AGAP1: variants seen among roughly 807,000 people sequenced by gnomAD.
AGAP1 encodes arf-GAP with GTPase, ANK repeat and PH domain-containing protein 1.
AGAP1 carries 29 observed loss-of-function variants against 105.3 expected under a neutral mutation model. That is an observed-to-expected ratio of 0.28 (90% CI 0.21 to 0.38). The LOEUF is 0.38. Among genes scored for constraint, AGAP1 ranks in the 10% least tolerant of loss-of-function variants. The probability of loss-of-function intolerance (pLI) is 1.00; values close to 1 mark genes in which losing one functional copy is unlikely to be tolerated. For synonymous variants in AGAP1, 509 were observed against 485.9 expected (o/e 1.05, Z -0.63); for missense variants, 998 against 1,165.1 (o/e 0.86, Z 2.09).
intron 16 of AGAP1, among the ~76,000 whole-genome samples, chr2:236,102,676 G>A (rs1377202715): frequency 2.0e-5 from 3 of 151,948 alleles, no homozygotes; most frequent in African/African-American, 4.8e-5. Context: ...GGTAAAACAC[G>A]TCTGCAAGTG....
In AGAP1 at chr2:235,753,883, C is replaced by T. The variant is rs558635561; in HGVS notation, c.673+3395C>T. ...ATCATAGTTATATGGTATATGGTTTCTTATTTGTATATGTATTTTCATGTA... is the reference window on the plus strand; with the variant it reads ...ATCATAGTTATATGGTATATGGTTTTTTATTTGTATATGTATTTTCATGTA... On this transcript the variant is annotated intron_variant, in intron 6 of 17. Transcript: ENST00000304032. The surrounding 1 kb of genome is among the most constrained non-coding windows in gnomAD (Gnocchi z 4.5). Among the ~76,000 whole-genome samples, 12 of 151,034 alleles carry T rather than the reference C, an allele frequency of 7.9e-5. No homozygotes were observed. The highest frequency in any genetic ancestry group is 1.9e-4 in the East Asian group (1 of 5,182).
At chr2:235,952,913 G>A (rs1257321958) in intron 12 of AGAP1, among the ~76,000 whole-genome samples, 9 of 152,120 alleles carry the variant, frequency 5.9e-5, no homozygotes, top group Non-Finnish European at 1.2e-4. Context: ...TGGGCTGGGC[G>A]GCTCCAAGAG....
At chr2:235,818,212 G>T (rs1267272738) in intron 9 of AGAP1, among the ~76,000 whole-genome samples, 1 of 152,162 alleles carries the variant, frequency 6.6e-6, no homozygotes, top group Non-Finnish European at 1.5e-5. Context: ...CTTCATCACA[G>T]GACCTCATTT....
At chr2:235,686,665 A>ATATATATTT (rs1369766503) in intron 1 of AGAP1, among the ~76,000 whole-genome samples, 5 of 77,490 alleles carry the variant, frequency 6.5e-5, no homozygotes, top group African/African-American at 1.3e-4. Context: ...ATATATATAT[A>ATATATATTT]TTTTTTTTTT....
In AGAP1 at chr2:235,723,105, G is replaced by C. The variant is rs1184013858; in HGVS notation, c.310+5461G>C. The stretch of plus-strand genomic sequence containing the variant: ...TTTTGCAAGCTCTGCTGGTGTTCTA[G>C]AACCTCACAAGGACTCATCGGCTGG... On this transcript the variant is annotated intron_variant, in intron 3 of 17. Transcript: ENST00000304032. This position sits in a 1 kb window ranked among gnomAD's most constrained non-coding sequence, Gnocchi z 6.2. Among the ~76,000 whole-genome samples the C allele has an allele frequency of 6.6e-6, 1 of 152,156 alleles. No individual in the cohort carries two copies. The highest frequency in any genetic ancestry group is 1.5e-5 in the Non-Finnish European group (1 of 68,032).
rs1363536703 is a variant in AGAP1, at chr2:236,101,430, CT to C, written c.2115-18759del. 1.3e-5 allele frequency among the ~76,000 whole-genome samples: 2 copies of C among 152,216 alleles called. No individual in the cohort carries two copies. The highest frequency in any genetic ancestry group is 2.9e-5 in the Non-Finnish European group (2 of 68,038). On this transcript the variant is annotated intron_variant, in intron 16 of 17. Coordinates refer to ENST00000304032, the MANE Select transcript of AGAP1 (RefSeq NM_001037131.3). The surrounding 1 kb of genome is among the most constrained non-coding windows in gnomAD (Gnocchi z 4.9). ...GCCGTGTCATAGCCTGCGACCTTCT[CT>C]TTCTCAGGTTTGACAGCCACTTAGC...
intron 1 of AGAP1, among the ~76,000 whole-genome samples, chr2:235,588,896 G>T (rs1053900461): frequency 6.6e-6 from 1 of 152,156 alleles, no homozygotes; most frequent in African/African-American, 2.4e-5. Flanking sequence ...GTCCCGAGTG[G>T]CCTGCTTTCC....
At position 235,566,661 on chromosome 2, in the gene AGAP1, A is replaced by G. The variant is rs1418297948; in HGVS notation, c.163+71812A>G. On this transcript the variant is annotated intron_variant, in intron 1 of 17. Coordinates refer to ENST00000304032, the MANE Select transcript of AGAP1 (RefSeq NM_001037131.3). This position sits in a 1 kb window ranked among gnomAD's most constrained non-coding sequence, Gnocchi z 5.2. ...GACACCTTCCTCATGCCGCAGGACCAGCCGGGACCGGGGAGAGGCTGTTCG... is the reference window on the plus strand; with the variant it reads ...GACACCTTCCTCATGCCGCAGGACCGGCCGGGACCGGGGAGAGGCTGTTCG... The G allele has an allele frequency of 1.1e-6, 1 of 943,440 alleles. No individual in the cohort carries two copies. The highest frequency in any genetic ancestry group is 1.3e-6 in the Non-Finnish European group (1 of 791,790). 58.4% of individuals were successfully genotyped at this position (943,440 alleles called of 1,614,324 possible). A position where few individuals can be genotyped will look rare whatever the true frequency, so the allele number is the denominator to read the frequency against.
In AGAP1 at chr2:235,612,820, G is replaced by A. The variant is rs1946179572; in HGVS notation, c.164-96359G>A. Among the ~76,000 whole-genome samples the A allele has an allele frequency of 6.6e-6, 1 of 152,110 alleles. No individual in the cohort carries two copies. Among genetic ancestry groups the A allele is most frequent in the Admixed American group, 6.5e-5 (1 of 15,268 alleles). ...CCAGCCGATGTTGTGATCTTGTGGA[G>A]GGAATGACCCCACGTCTCTGGATTC... On this transcript the variant is annotated intron_variant, in intron 1 of 17. Coordinates refer to ENST00000304032, the MANE Select transcript of AGAP1 (RefSeq NM_001037131.3). The surrounding 1 kb of genome is among the most constrained non-coding windows in gnomAD (Gnocchi z 4.3).
Position 235,631,329 on chromosome 2 carries a change from C to A in AGAP1, c.164-77850C>A, listed in dbSNP as rs371776801. 7.9e-5 allele frequency among the ~76,000 whole-genome samples: 12 copies of A among 152,232 alleles called. 1 individual carries two copies. Among genetic ancestry groups the A allele is most frequent in the Admixed American group, 5.2e-4 (8 of 15,302 alleles). On this transcript the variant is annotated intron_variant, in intron 1 of 17. Coordinates refer to ENST00000304032, the MANE Select transcript of AGAP1 (RefSeq NM_001037131.3). The surrounding 1 kb of genome is among the most constrained non-coding windows in gnomAD (Gnocchi z 5.4). ...AGTTCAACTGAAAAGTCAAGCATGG[C>A]GCAAGGAAGGACGATGGATTAGCCA...
intron 1 of AGAP1, among the ~76,000 whole-genome samples, chr2:235,627,621 G>T (rs1389584809): frequency 1.3e-5 from 2 of 152,146 alleles, no homozygotes; most frequent in East Asian, 3.9e-4. Context: ...ATTTTGTGGT[G>T]TGAGGTGAAG....
intron 1 of AGAP1, among the ~76,000 whole-genome samples, chr2:235,540,041 G>A (rs142020369): frequency 1.4e-3 from 206 of 152,238 alleles, no homozygotes; most frequent in African/African-American, 4.8e-3. Flanking sequence ...AAGGTGGTGG[G>A]GAAGGGGTAG....
At position 235,736,169 on chromosome 2, in the gene AGAP1, G is replaced by A. The variant is rs576140073; in HGVS notation, c.311-4794G>A. Among the ~76,000 whole-genome samples the A allele has an allele frequency of 6.6e-6, 1 of 151,650 alleles. No individual in the cohort carries two copies. The highest frequency in any genetic ancestry group is 1.5e-5 in the Non-Finnish European group (1 of 67,972). ...ACCTTAGGGTCAGGCAGCTGCGACC[G>A]ATCTGTCTGGTTCCTCACCCTGGGG... On this transcript the variant is annotated intron_variant, in intron 3 of 17. Coordinates refer to ENST00000304032, the MANE Select transcript of AGAP1 (RefSeq NM_001037131.3). The surrounding 1 kb of genome is among the most constrained non-coding windows in gnomAD (Gnocchi z 5.5).
chr2:236,122,139 C>G (rs6753212), intron 17 of AGAP1, among the ~76,000 whole-genome samples: 56,527 of 151,796 alleles, frequency 0.37, 10,894 homozygotes, highest in Middle Eastern at 0.5. Context: ...ATTTTGTAGA[C>G]TTACGTTCTT....
chr2:235,797,035 T>C (rs1297222136), intron 6 of AGAP1, among the ~76,000 whole-genome samples: 1 of 152,232 alleles, frequency 6.6e-6, no homozygotes, highest in African/African-American at 2.4e-5. Context: ...TGCAGTCATA[T>C]ATTTAAATAA....
chr2:235,916,260 A>G (rs1367663620), intron 11 of AGAP1, among the ~76,000 whole-genome samples: 1 of 152,198 alleles, frequency 6.6e-6, no homozygotes, highest in Non-Finnish European at 1.5e-5. Context: ...GTGCATGGCC[A>G]TTATCCACTT....
intron 6 of AGAP1, among the ~76,000 whole-genome samples, chr2:235,781,841 A>T (rs1219922147): frequency 6.6e-6 from 1 of 152,126 alleles, no homozygotes; most frequent in East Asian, 1.9e-4. Flanking sequence ...TAATCTCATC[A>T]GAGGCCTGAT....
At chr2:235,873,009 A>C (rs1237806490) in intron 9 of AGAP1, among the ~76,000 whole-genome samples, 1 of 152,200 alleles carries the variant, frequency 6.6e-6, no homozygotes. Context: ...GTGCCCCAGG[A>C]GGGCAGAGGA....
chr2:235,971,186 T>G lies in AGAP1; in HGVS notation c.1645+2563T>G, dbSNP rs959074100. The stretch of plus-strand genomic sequence containing the variant: ...TCATAAGTTATTTATAAAAAGAAAA[T>G]GTATCATTTTTCCCTAGGAAAAGTT... On this transcript the variant is annotated intron_variant, in intron 13 of 17. Coordinates refer to ENST00000304032, the MANE Select transcript of AGAP1 (RefSeq NM_001037131.3). The surrounding 1 kb of genome is among the most constrained non-coding windows in gnomAD (Gnocchi z 4.8). Among the ~76,000 whole-genome samples, 9 of 152,140 alleles carry G rather than the reference T, an allele frequency of 5.9e-5. No homozygotes were observed. Among genetic ancestry groups the G allele is most frequent in the Admixed American group, 5.2e-4 (8 of 15,276 alleles).
Sources: allele counts gnomAD v4.1 joint callset (sites outside exome capture counted in the v4.1 genomes callset), GRCh38; gene constraint gnomAD v4.1.1; non-coding constraint Gnocchi (gnomAD v3.1); transcripts MANE v1.5; gene names NCBI Gene and HGNC (gene_info 2026-07-23, HGNC 2026-07-21).